MAP2: variants seen among roughly 807,000 people sequenced by gnomAD.
The protein encoded by MAP2 is microtubule-associated protein 2.
In MAP2, 14 loss-of-function variants were observed where a neutral mutation model predicts 137.6. The ratio of observed to expected loss-of-function variants is 0.10; its 90% CI spans 0.07 to 0.16. The LOEUF is 0.16. MAP2 is among the 10% of genes least tolerant of loss of function. The pLI is 1.00. For missense variants in MAP2, 2,088 were observed against 2,191.5 expected, an observed-to-expected ratio of 0.95 and a Z score of 0.94; for synonymous variants, 786 against 782.3, an observed-to-expected ratio of 1.00 and a Z score of -0.08.
At chr2:209,596,989 T>C (rs1230850445) in intron 3 of MAP2, among the ~76,000 whole-genome samples, 2 of 152,166 alleles carry the variant, frequency 1.3e-5, no homozygotes, top group Non-Finnish European at 2.9e-5. Flanking sequence ...GATCCAGAAT[T>C]TCAGCCTCTT....
chr2:209,655,417 G>A (rs1040299785), intron 5 of MAP2, among the ~76,000 whole-genome samples: 9 of 152,166 alleles, frequency 5.9e-5, no homozygotes, highest in African/African-American at 2.2e-4. Context: ...CATGAGATAT[G>A]CATGTGTAGA....
At chr2:209,691,541 A>G (rs1354008400) in intron 7 of MAP2, among the ~76,000 whole-genome samples, 1 of 152,180 alleles carries the variant, frequency 6.6e-6, no homozygotes, top group African/African-American at 2.4e-5. Context: ...TCTTTTAGAG[A>G]TGATTGAATT....
chr2:209,615,198 C>T (rs758397466), intron 3 of MAP2, among the ~76,000 whole-genome samples: 1 of 152,144 alleles, frequency 6.6e-6, no homozygotes, highest in Admixed American at 6.6e-5. Flanking sequence ...GGTGCTCTGT[C>T]CCCTGTGTTC....
At chr2:209,526,467 C>T (rs183618084) in intron 2 of MAP2, among the ~76,000 whole-genome samples, 29 of 151,364 alleles carry the variant, frequency 1.9e-4, no homozygotes, top group Middle Eastern at 3.4e-3. Context: ...AGACCTTTCT[C>T]AGGCTTTCGT....
intron 2 of MAP2, among the ~76,000 whole-genome samples, chr2:209,540,625 C>A (rs551716079): frequency 2.6e-4 from 12 of 46,548 alleles, no homozygotes; most frequent in East Asian, 7.1e-4. Flanking sequence ...AGTGAGACTC[C>A]GTCTCAAAAA....
intron 4 of MAP2, among the ~76,000 whole-genome samples, chr2:209,636,346 C>T (rs1400679650): frequency 6.6e-6 from 1 of 152,088 alleles, no homozygotes; most frequent in Non-Finnish European, 1.5e-5. Context: ...TTCTCTAACA[C>T]AGACAGACTG....
At chr2:209,559,135 CCTTA>C (rs2071379188) in intron 2 of MAP2, among the ~76,000 whole-genome samples, 1 of 151,692 alleles carries the variant, frequency 6.6e-6, no homozygotes, top group Non-Finnish European at 1.5e-5. Context: ...TTCTTTCTGC[CCTTA>C]CTAACTGGCA....
At chr2:209,638,957 T>A (rs1406912135) in intron 4 of MAP2, among the ~76,000 whole-genome samples, 2 of 152,198 alleles carry the variant, frequency 1.3e-5, no homozygotes, top group African/African-American at 4.8e-5. Context: ...TAAAATTAAA[T>A]GAAGGCCTGA....
chr2:209,651,629 C>T (rs993751233), intron 4 of MAP2, among the ~76,000 whole-genome samples: 3 of 152,148 alleles, frequency 2.0e-5, no homozygotes, highest in Non-Finnish European at 4.4e-5. Context: ...GCGATACTCC[C>T]TGATTTACTC....
At position 209,693,129 on chromosome 2, in the gene MAP2, G is replaced by A; in HGVS notation, c.959G>A (p.Gly320Glu). Residue 320 changes from glycine to glutamate, a missense_variant, in exon 8 of 16, where the codon GGA (glycine) becomes GAA (glutamate). Physicochemically the swap from Gly to Glu is moderately conservative, Grantham distance 98. This residue lies in a region of MAP2 where 859 missense variants were observed against 794.5 expected (regional missense o/e 1.08). Coordinates refer to ENST00000682079, the MANE Select transcript of MAP2 (RefSeq NM_001375505.1). ...DSPMPSPFQG[G>E]SFTLPLDVMK... ...CCCATGCCAAGTCCCTTTCAAGGGG[G>A]AAGCTTCACTCTTCCTTTAGATGTC... 2 of 1,612,016 alleles carry A rather than the reference G, an allele frequency of 1.2e-6. No individual in the cohort carries two copies. The highest frequency in any genetic ancestry group is 1.7e-6 in the Non-Finnish European group (2 of 1,179,284).
chr2:209,710,858 G>A (rs1439866558), intron 13 of MAP2: 1 of 152,660 alleles, frequency 6.6e-6, no homozygotes, highest in Non-Finnish European at 1.5e-5. Context: ...GTATTAAATA[G>A]AGCTATTAGT....
rs145438340 is a variant in MAP2 at position 209,708,911 on chromosome 2, A to G, written c.4733-1003A>G. Among the ~76,000 whole-genome samples the G allele has an allele frequency of 1.8e-3, 274 of 152,252 alleles. 2 individuals carry two copies. The Middle Eastern group carries it at 0.034, about 19-fold the overall frequency. The stretch of plus-strand genomic sequence containing the variant: ...GCTGCCCCTAACAACTGTATTGTGC[A>G]TGTTTGTTTGGTTATCAGTTGGTTG... On this transcript the variant is annotated intron_variant, in intron 12 of 15. Transcript: ENST00000682079.
rs2043804980 is a variant in MAP2, at chr2:209,661,895, G to A, written c.262+8463G>A. 3.9e-5 allele frequency among the ~76,000 whole-genome samples: 6 copies of A among 152,156 alleles called. No individual in the cohort carries two copies. In the South Asian group the frequency reaches 1.2e-3, roughly 32 times the overall value. ...TATATAGCAGGTATTGCCAGCCACA[G>A]CGTTTGATATTTTACAAATTAGAGG... On this transcript the variant is annotated intron_variant, in intron 5 of 15. Transcript: ENST00000682079.
intron 15 of MAP2, 74 bp from the exon 16 acceptor site, chr2:209,730,108 C>T: frequency 7.7e-7 from 1 of 1,300,148 alleles, no homozygotes; most frequent in South Asian, 1.2e-5. Flanking sequence ...AATGTCAGCC[C>T]TGGGAGATGG....
At chr2:209,437,574 C>T (rs530141356) in intron 1 of MAP2, among the ~76,000 whole-genome samples, 2 of 151,690 alleles carry the variant, frequency 1.3e-5, no homozygotes, top group South Asian at 4.1e-4. Context: ...CTAATTTTAA[C>T]TGTCCTATTA....
intron 2 of MAP2, among the ~76,000 whole-genome samples, chr2:209,566,671 G>A (rs1217695384): frequency 6.6e-6 from 1 of 152,092 alleles, no homozygotes; most frequent in Non-Finnish European, 1.5e-5. Context: ...TGGCGTTTCT[G>A]TGCTATTTTA....
intron 5 of MAP2, among the ~76,000 whole-genome samples, chr2:209,656,319 C>T (rs1156298196): frequency 6.6e-6 from 1 of 151,850 alleles, no homozygotes; most frequent in Admixed American, 6.6e-5. Flanking sequence ...AATTCGAGAC[C>T]AGTCTGGGCA....
At chr2:209,453,945 A>G (rs1469821676) in intron 1 of MAP2, among the ~76,000 whole-genome samples, 1 of 152,030 alleles carries the variant, frequency 6.6e-6, no homozygotes, top group Non-Finnish European at 1.5e-5. Flanking sequence ...AGGTCAGGAG[A>G]TCAAGACCAA....
intron 13 of MAP2, chr2:209,723,446 G>C: frequency 1.6e-6 from 1 of 624,064 alleles, no homozygotes; most frequent in Non-Finnish European, 2.9e-6. Flanking sequence ...TGATAGAACA[G>C]TTCTTCAGTT....
Sources: gnomAD v4.1 joint callset for allele counts (sites outside exome capture counted in the v4.1 genomes callset) on GRCh38, gnomAD v4.1.1 for gene constraint, gnomAD v4.1.1 regional missense constraint, MANE v1.5 for transcripts, NCBI Gene and HGNC (gene_info 2026-07-23, HGNC 2026-07-21) for gene names.